The following ZNF567 variants were observed in gnomAD, a reference collection of about 807,000 sequenced individuals.
ZNF567 encodes the protein zinc finger protein 567.
ZNF567 carries 36 observed loss-of-function variants against 53.9 expected under a neutral mutation model. The observed-to-expected ratio is 0.67, with a 90% CI of 0.51 to 0.88. The LOEUF (loss-of-function observed/expected upper bound fraction) is 0.88, where lower values mean the gene tolerates loss of function less well. Ranked by LOEUF, ZNF567 falls within the 40% of genes least tolerant of loss-of-function variation. The probability of loss-of-function intolerance (pLI) is 0.00; values close to 1 mark genes in which losing one functional copy is unlikely to be tolerated. For missense variants in ZNF567, 619 were observed against 764.7 expected (o/e 0.81, Z 2.25); for synonymous variants, 224 against 260.4 (o/e 0.86, Z 1.35).
chr19:36,723,509 T>A (rs1278363659), downstream of ZNF567, among the ~76,000 whole-genome samples: 1 of 152,164 alleles, frequency 6.6e-6, no homozygotes, highest in Non-Finnish European at 1.5e-5. Context: ...AAGTATGAGA[T>A]ATTAACGGGC....
rs769505290 is a variant in ZNF567 at position 36,720,392 on chromosome 19, C to T, written c.1668C>T (p.Thr556=). The T allele has an allele frequency of 4.0e-5, 64 of 1,613,586 alleles. No homozygotes were observed. Among genetic ancestry groups the T allele is most frequent in the Admixed American group, 1.3e-4 (8 of 59,946 alleles). Reference sequence around the variant, plus strand: ...TCACTGTACATCAGAAAATACATACCGGCCAGAAATCCTATGAATGTCCTC... The same window carrying T: ...TCACTGTACATCAGAAAATACATACTGGCCAGAAATCCTATGAATGTCCTC... ...ATLTVHQKIH[T]GQKSYECPQC... is the part of the protein sequence containing the mutation. Residue 556 remains threonine, a synonymous_variant, in exon 6 of 6, where the codon ACC becomes ACT. Coordinates refer to ENST00000682579, the MANE Select transcript of ZNF567 (RefSeq NM_001322917.1).
chr19:36,709,141 A>G (rs921468621), intron 3 of ZNF567, among the ~76,000 whole-genome samples: 1 of 152,206 alleles, frequency 6.6e-6, no homozygotes, highest in Non-Finnish European at 1.5e-5. Flanking sequence ...CCTATTTTGT[A>G]CAGATTGTGA....
At chr19:36,675,945 G>C in the ZNF567 span, among the ~76,000 whole-genome samples, 3 of 150,842 alleles carry the variant, frequency 2.0e-5, no homozygotes, top group Non-Finnish European at 2.9e-5. Context: ...ACATGTATCT[G>C]TATGTACATA....
chr19:36,669,734 A>G, the ZNF567 span, among the ~76,000 whole-genome samples: 6 of 152,166 alleles, frequency 3.9e-5, no homozygotes, highest in African/African-American at 1.4e-4. Context: ...CTGGAAGTAT[A>G]CTGGTGCTCT....
chr19:36,677,327 C>T, the ZNF567 span, among the ~76,000 whole-genome samples: 7 of 143,206 alleles, frequency 4.9e-5, no homozygotes, highest in South Asian at 6.7e-4. Context: ...AGTGTTGAGG[C>T]GGGCACCTGT....
chr19:36,676,055 CTTTTTTTTTTTT>C, the ZNF567 span, among the ~76,000 whole-genome samples: 425 of 60,622 alleles, frequency 7.0e-3, 5 homozygotes, highest in Non-Finnish European at 9.4e-3. Context: ...TATTCTACAC[CTTTTTTTTTTTT>C]TTTTTTTTTT....
At chr19:36,685,748 G>A (rs754362363), upstream of ZNF567, 1 of 152,130 alleles carries the variant, frequency 6.6e-6, no homozygotes, top group Non-Finnish European at 1.5e-5. Context: ...GTTATTTATT[G>A]CTATATAACC....
chr19:36,720,641 C>A lies in ZNF567; in HGVS notation c.1917C>A (p.His639Gln), dbSNP rs1285799086. 6.4e-7 allele frequency: 1 copy of A among 1,554,586 alleles called. No individual in the cohort carries two copies. The highest frequency in any genetic ancestry group is 2.0e-5 in the Admixed American group (1 of 49,390). Reference protein sequence around the residue: ...KRNLIVHQRTHKGENIEMQ With the variant: ...KRNLIVHQRTQKGENIEMQ ...ACCTCATTGTCCATCAAAGAACTCA[C>A]AAGGGAGAAAACATTGAAATGCAAT... is the stretch of plus-strand genomic sequence containing the variant. The change falls in exon 6 of 6, where the codon CAC becomes CAA. Residue 639 changes from histidine (H) to glutamine (Q), a missense_variant. Physicochemically the swap from His to Gln is conservative, Grantham distance 24. Transcript: ENST00000682579.
At chr19:36,721,341 A>G (rs1211060985), downstream of ZNF567, 1 of 151,972 alleles carries the variant, frequency 6.6e-6, no homozygotes, top group Non-Finnish European at 1.5e-5. Context: ...TGTTTATATC[A>G]TGTGTGTGTT....
chr19:36,704,201 A>G (rs1432082997), intron 3 of ZNF567, among the ~76,000 whole-genome samples: 1 of 152,178 alleles, frequency 6.6e-6, no homozygotes, highest in African/African-American at 2.4e-5. Flanking sequence ...GCACTTTGGG[A>G]GGCCAGGGCA....
chr19:36,721,747 T>TTC (rs1363442159), downstream of ZNF567, among the ~76,000 whole-genome samples: 75 of 131,202 alleles, frequency 5.7e-4, no homozygotes, highest in African/African-American at 1.8e-3. Flanking sequence ...TTTTTTTCTT[T>TTC]TTTTTTTTTT....
chr19:36,691,499 A>G (rs1235765977), intron 2 of ZNF567, among the ~76,000 whole-genome samples: 2 of 152,190 alleles, frequency 1.3e-5, no homozygotes, highest in African/African-American at 4.8e-5. Flanking sequence ...AAAGCAACCG[A>G]ATATTATATT....
chr19:36,712,425 C>G lies in ZNF567; in HGVS notation c.49C>G (p.Gln17Glu). 1 of 1,614,028 alleles carries G rather than the reference C, an allele frequency of 6.2e-7. No individual in the cohort carries two copies. Among genetic ancestry groups the G allele is most frequent in the Non-Finnish European group, 8.5e-7 (1 of 1,179,962 alleles). ...CAATGATGTGACTGTGGACTTCACT[C>G]AGGAGGAGTGGCAGCACCTGGATCA... ...SFNDVTVDFT[Q>E]EEWQHLDHAQ... The change falls in exon 4 of 6, where the codon CAG becomes GAG. Residue 17 changes from glutamine to glutamate, a missense_variant. Coordinates refer to ENST00000682579, the MANE Select transcript of ZNF567 (RefSeq NM_001322917.1).
downstream of ZNF567, among the ~76,000 whole-genome samples, chr19:36,725,989 A>C (rs879146083): frequency 6.6e-6 from 1 of 151,958 alleles, no homozygotes; most frequent in Admixed American, 6.6e-5. Context: ...TCAGTGTACT[A>C]TCTCTCTCTT....
chr19:36,679,271 G>A, the ZNF567 span, among the ~76,000 whole-genome samples: 3 of 152,288 alleles, frequency 2.0e-5, no homozygotes, highest in Non-Finnish European at 4.4e-5. Context: ...GGGCGACAGC[G>A]CGAGACTCCA....
the ZNF567 span, among the ~76,000 whole-genome samples, chr19:36,670,239 C>T: frequency 6.6e-6 from 1 of 152,038 alleles, no homozygotes; most frequent in Admixed American, 6.5e-5. Flanking sequence ...TGGTTGTATC[C>T]CCAATACCAT....
chr19:36,668,501 CG>C, the ZNF567 span: 2 of 152,322 alleles, frequency 1.3e-5, no homozygotes, highest in Non-Finnish European at 2.9e-5. Context: ...GTGACTGTGG[CG>C]GCCCCTGAGA....
chr19:36,712,758 TAA>T (rs780184154), intron 4 of ZNF567, 21 bp from the exon 5 acceptor site: 1 of 1,607,168 alleles, frequency 6.2e-7, no homozygotes, highest in Non-Finnish European at 8.5e-7. Context: ...CCAATCAACT[TAA>T]GTCTTTTTTT....
chr19:36,696,077 T>C (rs1322306750), intron 3 of ZNF567, among the ~76,000 whole-genome samples: 1 of 152,232 alleles, frequency 6.6e-6, no homozygotes, highest in Non-Finnish European at 1.5e-5. Flanking sequence ...CTTCTTAGTA[T>C]ATTAATTGTA....
Sources: gnomAD v4.1 joint callset for allele counts (sites outside exome capture counted in the v4.1 genomes callset) on GRCh38, gnomAD v4.1.1 for gene constraint, MANE v1.5 for transcripts, NCBI Gene and HGNC (gene_info 2026-07-23, HGNC 2026-07-21) for gene names.